Variants in RP1 observed in about 807,000 individuals in gnomAD.
RP1 encodes the protein oxygen-regulated protein 1.
Under a neutral mutation model 14.8 loss-of-function variants are expected in RP1, and 16 were observed. The ratio of observed to expected loss-of-function variants is 1.08; its 90% CI spans 0.73 to 1.65. The LOEUF (loss-of-function observed/expected upper bound fraction) is 1.65. Among genes scored for constraint, RP1 ranks in the 40% most tolerant of loss-of-function variants. The pLI is 0.00. For synonymous variants in RP1, 876 were observed against 883.6 expected (o/e 0.99, Z 0.15); for missense variants, 2,631 against 2,535.0 (o/e 1.04, Z -0.81).
At chr8:54,633,737 C>CTCTATATATATA (rs1236298691), downstream of RP1, among the ~76,000 whole-genome samples, 61 of 118,794 alleles carry the variant, frequency 5.1e-4, no homozygotes, top group East Asian at 3.3e-3. Flanking sequence ...CTCTCTCTCT[C>CTCTATATATATA]TATATATATA....
intron 21 of RP1, among the ~76,000 whole-genome samples, chr8:54,758,261 T>C (rs536669524): frequency 6.6e-6 from 1 of 152,252 alleles, no homozygotes; most frequent in Admixed American, 6.5e-5. Context: ...AGGAGTTCTT[T>C]TGATTTTAAT....
chr8:54,586,631 G>T (rs928587213), intron 1 of RP1, among the ~76,000 whole-genome samples: 9 of 152,126 alleles, frequency 5.9e-5, no homozygotes, highest in African/African-American at 1.7e-4. Context: ...TCCTTGAGGT[G>T]CTGTGGGCTC....
At chr8:54,828,657 A>C (rs1226990664) in intron 24 of RP1, among the ~76,000 whole-genome samples, 2 of 152,064 alleles carry the variant, frequency 1.3e-5, no homozygotes, top group Admixed American at 6.5e-5. Context: ...ACACCAACAG[A>C]CTATGACATT....
At chr8:54,608,447 G>A (rs1442310209) in intron 1 of RP1, among the ~76,000 whole-genome samples, 1 of 152,154 alleles carries the variant, frequency 6.6e-6, no homozygotes, top group Non-Finnish European at 1.5e-5. Flanking sequence ...GCAGTTATTT[G>A]TGCCTGACTA....
intron 17 of RP1, among the ~76,000 whole-genome samples, chr8:54,729,764 A>G (rs1455039174): frequency 2.0e-5 from 3 of 152,006 alleles, no homozygotes; most frequent in African/African-American, 7.2e-5. Flanking sequence ...AATAACTACA[A>G]ATAATCCATT....
chr8:54,749,034 T>C (rs1809296443), intron 19 of RP1, among the ~76,000 whole-genome samples: 1 of 152,200 alleles, frequency 6.6e-6, no homozygotes, highest in Non-Finnish European at 1.5e-5. Context: ...TCTGGTTCTA[T>C]ATCATTTCTC....
At chr8:54,569,781 C>T (rs1200126049) in intron 1 of RP1, among the ~76,000 whole-genome samples, 1 of 152,146 alleles carries the variant, frequency 6.6e-6, no homozygotes, top group Admixed American at 6.5e-5. Flanking sequence ...GATTACAGTC[C>T]AGTAGGACAG....
At chr8:54,850,096 T>A (rs1356260066) in intron 25 of RP1, among the ~76,000 whole-genome samples, 2 of 152,178 alleles carry the variant, frequency 1.3e-5, no homozygotes, top group Non-Finnish European at 1.5e-5. Flanking sequence ...AAAGAAATTT[T>A]AAAAATTTGG....
chr8:54,692,885 G>C (rs1478962484), intron 12 of RP1, among the ~76,000 whole-genome samples: 1 of 151,878 alleles, frequency 6.6e-6, no homozygotes, highest in African/African-American at 2.4e-5. Flanking sequence ...GCCATGAAGT[G>C]CTTGCCCATG....
chr8:54,634,451 G>C (rs1477541109), downstream of RP1, among the ~76,000 whole-genome samples: 1 of 152,144 alleles, frequency 6.6e-6, no homozygotes, highest in Non-Finnish European at 1.5e-5. Context: ...TTTACAATTT[G>C]CAGGATTATC....
At chr8:54,724,995 C>G (rs895506409) in intron 16 of RP1, among the ~76,000 whole-genome samples, 6 of 152,142 alleles carry the variant, frequency 3.9e-5, no homozygotes, top group African/African-American at 1.4e-4. Flanking sequence ...TCTGTGCTCC[C>G]TATGCACGTT....
At position 54,630,566 on chromosome 8, in the gene RP1, T is replaced by C; in HGVS notation, c.*213T>C. The C allele has an allele frequency of 7.5e-7, 1 of 1,338,398 alleles. No individual in the cohort carries two copies. The highest frequency in any genetic ancestry group is 3.6e-5 in the Admixed American group (1 of 28,132). The allele number at this position is 1,338,398 out of a possible 1,614,324, so 82.9% of individuals were successfully genotyped here. A position where few individuals can be genotyped will look rare whatever the true frequency, so the allele number is the denominator to read the frequency against. On this transcript the variant is annotated 3_prime_UTR_variant, in exon 4 of 4. Transcript: ENST00000220676. ...ATTACAGACTCAGGTTCTCTTATTT[T>C]GGAAGTTTCTATCTGGTTTTGTTCT... is the stretch of plus-strand genomic sequence containing the variant.
At chr8:54,583,300 G>A (rs62514570) in intron 1 of RP1, among the ~76,000 whole-genome samples, 30,549 of 152,068 alleles carry the variant, frequency 0.2, 3,547 homozygotes, top group East Asian at 0.36. Flanking sequence ...GCTGGATTAC[G>A]TTTATTGATT....
At chr8:54,826,998 C>T (rs1811399159) in intron 24 of RP1, among the ~76,000 whole-genome samples, 1 of 152,108 alleles carries the variant, frequency 6.6e-6, no homozygotes, top group Non-Finnish European at 1.5e-5. Context: ...ACTTACGTAT[C>T]TAAACAGAGA....
In RP1 at chr8:54,862,356, G is replaced by A. The variant is rs185496164; in HGVS notation, c.4070-3479G>A. 2.0e-5 allele frequency among the ~76,000 whole-genome samples: 3 copies of A among 152,228 alleles called. No homozygotes were observed. In the East Asian group the frequency reaches 5.8e-4, roughly 29 times the overall value. ...TAATTTTTGCCTTTACTTTACGTAA[G>A]TTGGTATAAAATAGTATTCTCTTTG... On this transcript the variant is annotated intron_variant, in intron 27 of 28. Coordinates refer to the RP1 transcript ENST00000637698.
In RP1 at chr8:54,723,548, C is replaced by T. The variant is rs1808582484; in HGVS notation, c.2390-2797C>T. 2.6e-5 allele frequency among the ~76,000 whole-genome samples: 4 copies of T among 152,216 alleles called. No homozygotes were observed. In the South Asian group the frequency reaches 8.3e-4, roughly 32 times the overall value. ...CTCTCTATTTTCATGAATTTATATT[C>T]GCAGTGTATACATGAGAAAGTGTGA... On this transcript the variant is annotated intron_variant, in intron 16 of 22. Coordinates refer to the RP1 transcript ENST00000636932.
intron 17 of RP1, among the ~76,000 whole-genome samples, chr8:54,733,315 C>A (rs1283904769): frequency 1.3e-5 from 2 of 152,006 alleles, no homozygotes; most frequent in African/African-American, 2.4e-5. Flanking sequence ...ATGAAACATG[C>A]AACACAGAAC....
intron 1 of RP1, among the ~76,000 whole-genome samples, chr8:54,607,650 T>A (rs999408450): frequency 3.9e-5 from 6 of 152,196 alleles, no homozygotes; most frequent in African/African-American, 9.6e-5. Flanking sequence ...AGGTGGAGTC[T>A]ATAGAGGCAG....
At chr8:54,735,554 T>C (rs936455996) in intron 18 of RP1, among the ~76,000 whole-genome samples, 4 of 152,180 alleles carry the variant, frequency 2.6e-5, no homozygotes, top group Non-Finnish European at 5.9e-5. Flanking sequence ...AACCCAAGGC[T>C]ATTTGGGGCT....
Sources: gnomAD v4.1 joint callset for allele counts (sites outside exome capture counted in the v4.1 genomes callset) on GRCh38, gnomAD v4.1.1 for gene constraint, MANE v1.5 for transcripts, NCBI Gene and HGNC (gene_info 2026-07-23, HGNC 2026-07-21) for gene names.